GPC5: variants seen among roughly 807,000 people sequenced by gnomAD.
GPC5 encodes the protein glypican-5.
A neutral mutation model predicts 53.9 loss-of-function variants in GPC5; 47 were observed. The ratio of observed to expected loss-of-function variants is 0.87; its 90% CI spans 0.69 to 1.11. The LOEUF (loss-of-function observed/expected upper bound fraction) is 1.11, where lower values mean the gene tolerates loss of function less well. GPC5 is among the 50% of genes most tolerant of loss of function. The pLI is 0.00. For missense variants in GPC5, 748 were observed against 713.1 expected, an observed-to-expected ratio of 1.05 and a Z score of -0.56; for synonymous variants, 286 against 263.3, an observed-to-expected ratio of 1.09 and a Z score of -0.84.
At chr13:91,593,813 A>G (rs2032894188) in intron 2 of GPC5, among the ~76,000 whole-genome samples, 1 of 152,100 alleles carries the variant, frequency 6.6e-6, no homozygotes. Flanking sequence ...CTATTATCCT[A>G]TGAATATCCC....
chr13:92,365,600 A>G (rs2043601327), intron 7 of GPC5, among the ~76,000 whole-genome samples: 1 of 151,680 alleles, frequency 6.6e-6, no homozygotes, highest in African/African-American at 2.4e-5. Context: ...AGCTGTATAA[A>G]AAGATTTTCT....
At position 91,609,670 on chromosome 13, in the gene GPC5, T is replaced by G. The variant is rs1594326646; in HGVS notation, c.326-83517T>G. On this transcript the variant is annotated intron_variant, in intron 2 of 7. Transcript: ENST00000377067. ...CTGTGGCAAGGCCATCCCCCAAGGC[T>G]CAGGAAAGCTGGCCAGAGTGAATGG... is the stretch of plus-strand genomic sequence containing the variant. 2.6e-5 allele frequency among the ~76,000 whole-genome samples: 4 copies of G among 152,272 alleles called. No individual in the cohort carries two copies. In the South Asian group the frequency reaches 8.3e-4, roughly 32 times the overall value.
intron 7 of GPC5, among the ~76,000 whole-genome samples, chr13:92,850,346 T>G (rs1878752403): frequency 6.6e-6 from 1 of 152,164 alleles, no homozygotes; most frequent in African/African-American, 2.4e-5. Context: ...ACACCTGTAA[T>G]CCAAGCACTT....
At position 92,259,244 on chromosome 13, in the gene GPC5, A is replaced by G. The variant is rs1046090857; in HGVS notation, c.1561+114255A>G. Among the ~76,000 whole-genome samples the G allele has an allele frequency of 3.9e-5, 6 of 152,262 alleles. No individual in the cohort carries two copies. In the South Asian group the frequency reaches 6.2e-4, roughly 16 times the overall value. On this transcript the variant is annotated intron_variant, in intron 7 of 7. Coordinates refer to ENST00000377067, the MANE Select transcript of GPC5 (RefSeq NM_004466.6). ...ACTTCTGGTTTTTAAGTTGTTTTCT[A>G]TGAACTAAATATTTAATTATATTCA...
chr13:92,133,326 C>T (rs909834529), intron 6 of GPC5, among the ~76,000 whole-genome samples: 7 of 152,096 alleles, frequency 4.6e-5, no homozygotes, highest in East Asian at 1.9e-4. Flanking sequence ...CTGGCGTACA[C>T]GAGGGTGTCG....
At chr13:91,502,499 C>A (rs1290932184) in intron 2 of GPC5, among the ~76,000 whole-genome samples, 3 of 152,196 alleles carry the variant, frequency 2.0e-5, no homozygotes, top group Non-Finnish European at 4.4e-5. Context: ...TTTGCTACCT[C>A]TTTCTTCTGC....
chr13:92,791,611 T>C (rs572038449), intron 7 of GPC5, among the ~76,000 whole-genome samples: 13 of 151,964 alleles, frequency 8.6e-5, no homozygotes, highest in Non-Finnish European at 1.8e-4. Context: ...AAAACAGTAA[T>C]AACATACTCC....
chr13:91,760,980 G>A (rs150584498), intron 5 of GPC5, among the ~76,000 whole-genome samples: 4 of 152,170 alleles, frequency 2.6e-5, no homozygotes, highest in Non-Finnish European at 5.9e-5. Context: ...TGAAATCCAT[G>A]TAGTCTGTAT....
At chr13:91,577,846 G>C (rs1374783436) in intron 2 of GPC5, among the ~76,000 whole-genome samples, 2 of 152,188 alleles carry the variant, frequency 1.3e-5, no homozygotes, top group African/African-American at 4.8e-5. Flanking sequence ...ATATGTGGTG[G>C]TTTAAAATAT....
At chr13:92,755,061 C>T (rs1365712936) in intron 7 of GPC5, among the ~76,000 whole-genome samples, 6 of 151,790 alleles carry the variant, frequency 4.0e-5, no homozygotes, top group African/African-American at 7.3e-5. Flanking sequence ...TATTCCAAAA[C>T]TGACCACATA....
At chr13:92,381,887 TATTATATATA>T (rs1280966001) in intron 7 of GPC5, among the ~76,000 whole-genome samples, 976 of 91,102 alleles carry the variant, frequency 0.011, 62 homozygotes, top group African/African-American at 0.031. Flanking sequence ...TGATTATATA[TATTATATATA>T]ATCATATATA....
At chr13:92,374,854 A>T (rs2043680493) in intron 7 of GPC5, among the ~76,000 whole-genome samples, 2 of 31,054 alleles carry the variant, frequency 6.4e-5, no homozygotes. Context: ...AAAGTATAAT[A>T]AAAAAAAAAA....
At chr13:92,787,473 G>A (rs367953903) in intron 7 of GPC5, among the ~76,000 whole-genome samples, 34 of 151,502 alleles carry the variant, frequency 2.2e-4, no homozygotes, top group East Asian at 7.8e-4. Flanking sequence ...AACTTACTTC[G>A]TTTCAGTCAA....
chr13:91,751,770 T>C (rs937386339), intron 4 of GPC5, among the ~76,000 whole-genome samples: 4 of 152,250 alleles, frequency 2.6e-5, no homozygotes, highest in African/African-American at 9.6e-5. Flanking sequence ...GTCTTCCACA[T>C]TGAAACGAGC....
At chr13:91,829,107 A>T (rs921451558) in intron 5 of GPC5, among the ~76,000 whole-genome samples, 5 of 152,070 alleles carry the variant, frequency 3.3e-5, no homozygotes, top group African/African-American at 1.2e-4. Flanking sequence ...TATTGGGTTA[A>T]AATGACACCA....
At chr13:91,965,167 G>A (rs1186514786) in intron 6 of GPC5, among the ~76,000 whole-genome samples, 1 of 151,902 alleles carries the variant, frequency 6.6e-6, no homozygotes, top group Non-Finnish European at 1.5e-5. Flanking sequence ...CACCAACATG[G>A]CAAATGTATA....
At chr13:92,043,651 C>T (rs926366017) in intron 6 of GPC5, among the ~76,000 whole-genome samples, 3 of 152,062 alleles carry the variant, frequency 2.0e-5, no homozygotes, top group Non-Finnish European at 4.4e-5. Context: ...AGTTATTGGT[C>T]GTGACAAGAT....
At chr13:91,903,538 T>C (rs2039520903) in intron 5 of GPC5, among the ~76,000 whole-genome samples, 1 of 152,152 alleles carries the variant, frequency 6.6e-6, no homozygotes, top group Non-Finnish European at 1.5e-5. Context: ...CTTTTTTATT[T>C]GAACTGTTCT....
At chr13:92,032,970 G>C (rs1024217669) in intron 6 of GPC5, among the ~76,000 whole-genome samples, 2 of 151,686 alleles carry the variant, frequency 1.3e-5, no homozygotes, top group Non-Finnish European at 2.9e-5. Flanking sequence ...TATGCTTAGC[G>C]CTATCTCCAG....
Sources: allele counts gnomAD v4.1 joint callset (sites outside exome capture counted in the v4.1 genomes callset), GRCh38; gene constraint gnomAD v4.1.1; transcripts MANE v1.5; gene names NCBI Gene and HGNC (gene_info 2026-07-23, HGNC 2026-07-21).